The following DEPDC5 variants were observed in gnomAD, a reference collection of about 807,000 sequenced individuals.
DEPDC5 encodes DEP domain containing 5, GATOR1 subcomplex subunit.
In DEPDC5, 73 loss-of-function variants were observed where a neutral mutation model predicts 217.3. The ratio of observed to expected loss-of-function variants is 0.34; its 90% confidence interval spans 0.28 to 0.41. DEPDC5 has a LOEUF of 0.41. Among genes scored for constraint, DEPDC5 ranks in the 10% least tolerant of loss-of-function variants. The pLI is 1.00. For synonymous variants in DEPDC5, 733 were observed against 756.7 expected (o/e 0.97, Z 0.51); for missense variants, 1,675 against 2,070.1 (o/e 0.81, Z 3.70).
At chr22:31,796,010 G>A (rs1309060701) in intron 12 of DEPDC5, among the ~76,000 whole-genome samples, 1 of 151,808 alleles carries the variant, frequency 6.6e-6, no homozygotes, top group Non-Finnish European at 1.5e-5. Flanking sequence ...GATTACAGGC[G>A]TGAGCCACTG....
chr22:31,795,893 G>T (rs1350488377), intron 12 of DEPDC5, among the ~76,000 whole-genome samples: 1 of 151,240 alleles, frequency 6.6e-6, no homozygotes, highest in Non-Finnish European at 1.5e-5. Context: ...ACCACACCTG[G>T]CTGATTTTGT....
chr22:31,784,802 G>C lies in DEPDC5; in HGVS notation c.563-12G>C, dbSNP rs750794489. On this transcript the variant is annotated splice_polypyrimidine_tract_variant and intron_variant, in intron 9 of 42. Coordinates refer to ENST00000651528, the MANE Select transcript of DEPDC5 (RefSeq NM_001242896.3). Reference sequence around the variant, plus strand: ...CTCATGTTCTCATCCTTTTTTCATTGTTTCTTTTCAGGGGATTTGTATTTT... The same window carrying C: ...CTCATGTTCTCATCCTTTTTTCATTCTTTCTTTTCAGGGGATTTGTATTTT... 1 of 1,608,818 alleles carries C rather than the reference G, an allele frequency of 6.2e-7. No individual in the cohort carries two copies. The highest frequency in any genetic ancestry group is 1.1e-5 in the South Asian group (1 of 90,016).
At chr22:31,833,886 TAAGAC>T (rs778849976) in intron 24 of DEPDC5, 24 bp from the exon 25 acceptor site, 8 of 1,506,174 alleles carry the variant, frequency 5.3e-6, no homozygotes, top group Non-Finnish European at 7.1e-6. Flanking sequence ...TGAGCCTTCT[TAAGAC>T]AAGCTGTTTT....
chr22:31,813,679 CTATA>C (rs58384211), intron 20 of DEPDC5, among the ~76,000 whole-genome samples: 17 of 144,468 alleles, frequency 1.2e-4, no homozygotes, highest in Middle Eastern at 3.7e-3. Flanking sequence ...TTTAATAAGG[CTATA>C]TATATATATA....
rs146778848 is a variant in DEPDC5 at position 31,888,372 on chromosome 22, C to G, written c.4034-5210C>G. ...TCAAGCAAGTCCCCTGCCTCAGCCTCCCGAGTAGCTGGGATTACAGGCGTG... is the reference window on the plus strand; with the variant it reads ...TCAAGCAAGTCCCCTGCCTCAGCCTGCCGAGTAGCTGGGATTACAGGCGTG... On this transcript the variant is annotated intron_variant, in intron 38 of 42. Transcript: ENST00000651528. 6.6e-3 allele frequency among the ~76,000 whole-genome samples: 990 copies of G among 150,548 alleles called. 12 individuals are homozygous for G. Among genetic ancestry groups the G allele is most frequent in the African/African-American group, 0.023 (935 of 41,058 alleles).
At chr22:31,835,298 C>T (rs938762769) in intron 25 of DEPDC5, among the ~76,000 whole-genome samples, 3 of 152,122 alleles carry the variant, frequency 2.0e-5, no homozygotes, top group Admixed American at 2.0e-4. Context: ...ACCCTGTCAC[C>T]GGAGTTTGTT....
rs759083319 is a variant in DEPDC5 at position 31,834,764 on chromosome 22, CGTG to C, written c.2170+785_2170+787del. Among the ~76,000 whole-genome samples, 365 of 152,172 alleles carry C rather than the reference CGTG, an allele frequency of 2.4e-3. 1 individual carries two copies. The highest frequency in any genetic ancestry group is 3.6e-3 in the Non-Finnish European group (243 of 67,988). Reference sequence around the variant, plus strand: ...ACTCCTAACCTCGTGATCCTGACCTCGTGATCCGCCCGCCTTGGCCTCCCAAAG... The same window carrying C: ...ACTCCTAACCTCGTGATCCTGACCTCATCCGCCCGCCTTGGCCTCCCAAAG... On this transcript the variant is annotated intron_variant, in intron 25 of 42. Transcript: ENST00000651528.
rs571724498 is a variant in DEPDC5, at chr22:31,779,412, G to A, written c.483+1244G>A. ...AGACTTAGCTAGTTTATAAATGCTG[G>A]GGTGAAGAGTATTCCAGGCAAAGGA... On this transcript the variant is annotated intron_variant, in intron 8 of 42. Coordinates refer to ENST00000651528, the MANE Select transcript of DEPDC5 (RefSeq NM_001242896.3). Among the ~76,000 whole-genome samples, 12 of 152,288 alleles carry A rather than the reference G, an allele frequency of 7.9e-5. No homozygotes were observed. The South Asian group carries it at 1.2e-3, about 16-fold the overall frequency.
chr22:31,756,118 G>C, intron 2 of DEPDC5, among the ~76,000 whole-genome samples: 1 of 150,268 alleles, frequency 6.7e-6, no homozygotes, highest in Non-Finnish European at 1.5e-5. Flanking sequence ...CCTGAGCTCA[G>C]GCAATCCGCC....
chr22:31,784,077 C>T, intron 9 of DEPDC5, 92 bp downstream of exon 9: 2 of 969,668 alleles, frequency 2.1e-6, no homozygotes, highest in Non-Finnish European at 3.1e-6. Context: ...TCCCCCACAT[C>T]ATCTTCTAAC....
chr22:31,833,800 G>A lies in DEPDC5; in HGVS notation c.2105-115G>A, dbSNP rs2090778976. The A allele has an allele frequency of 6.5e-6, 5 of 773,870 alleles. No individual in the cohort carries two copies. The Admixed American group carries it at 1.2e-4, about 18-fold the overall frequency. The allele number at this position is 773,870 out of a possible 1,614,324, so 47.9% of individuals were successfully genotyped here. On this transcript the variant is annotated intron_variant, in intron 24 of 42. Coordinates refer to ENST00000651528, the MANE Select transcript of DEPDC5 (RefSeq NM_001242896.3). ...GTTTGAAATACTCAGCACAGAATTTGCACTTGGTTTACATTTTTATTTTTA... is the reference window on the plus strand; with the variant it reads ...GTTTGAAATACTCAGCACAGAATTTACACTTGGTTTACATTTTTATTTTTA...
chr22:31,879,866 G>T, intron 38 of DEPDC5, 114 bp downstream of exon 38: 1 of 1,017,210 alleles, frequency 9.8e-7, no homozygotes, highest in Non-Finnish European at 1.4e-6. Context: ...CGCTGAGGCC[G>T]TCACACAGGC....
chr22:31,760,984 T>G (rs1020808157), intron 4 of DEPDC5, among the ~76,000 whole-genome samples: 8 of 149,658 alleles, frequency 5.3e-5, no homozygotes, highest in African/African-American at 2.0e-4. Context: ...TTAACATTGT[T>G]TTTTTTTTTT....
intron 10 of DEPDC5, among the ~76,000 whole-genome samples, chr22:31,785,995 G>A (rs570251282): frequency 2.0e-5 from 3 of 152,194 alleles, no homozygotes; most frequent in South Asian, 4.1e-4. Flanking sequence ...ATCTGGGTGC[G>A]GTGGCTCATA....
At chr22:31,777,126 A>ATT (rs2083946983) in intron 7 of DEPDC5, among the ~76,000 whole-genome samples, 1 of 145,496 alleles carries the variant, frequency 6.9e-6, no homozygotes. Context: ...TGCCCAGCTA[A>ATT]TTTTTGTATT....
chr22:31,873,759 C>A (rs867841986), intron 35 of DEPDC5: 1 of 167,094 alleles, frequency 6.0e-6, no homozygotes, highest in South Asian at 1.6e-4. Context: ...TTTCTCTCCC[C>A]CTTCTCCTTT....
intron 8 of DEPDC5, 57 bp from the exon 9 acceptor site, chr22:31,783,850 A>G (rs1217293595): frequency 6.7e-7 from 1 of 1,486,752 alleles, no homozygotes; most frequent in African/African-American, 1.4e-5. Context: ...TTTTCATCTT[A>G]TAGAACTGAA....
chr22:31,792,268 G>A (rs1219223460), intron 11 of DEPDC5, among the ~76,000 whole-genome samples, 166 bp downstream of exon 11: 1 of 152,114 alleles, frequency 6.6e-6, no homozygotes, highest in South Asian at 2.1e-4. Context: ...GTTAGTGGAT[G>A]CAAGAGGTCT....
chr22:31,840,620 C>G (rs57754878), intron 27 of DEPDC5, among the ~76,000 whole-genome samples: 5,109 of 152,298 alleles, frequency 0.034, 127 homozygotes, highest in South Asian at 0.041. Context: ...CCATGAGCCT[C>G]ATGTGATGGT....
Sources: allele counts gnomAD v4.1 joint callset (sites outside exome capture counted in the v4.1 genomes callset), GRCh38; gene constraint gnomAD v4.1.1; transcripts MANE v1.5; gene names NCBI Gene and HGNC (gene_info 2026-07-23, HGNC 2026-07-21).